CALML4: variants seen among roughly 807,000 people sequenced by gnomAD.
CALML4 encodes the protein calmodulin-like protein 4.
CALML4 carries 16 observed loss-of-function variants against 17.9 expected under a neutral mutation model. The ratio of observed to expected loss-of-function variants is 0.89; its 90% CI spans 0.61 to 1.36. CALML4 has a LOEUF of 1.36. Among genes scored for constraint, CALML4 ranks in the 40% most tolerant of loss-of-function variants. The pLI is 0.00. For synonymous variants in CALML4, 86 were observed against 71.5 expected (o/e 1.20, Z -1.02); for missense variants, 203 against 194.8 (o/e 1.04, Z -0.25).
In CALML4 at chr15:68,197,693, C is replaced by T; in HGVS notation, c.176-65G>A. The T allele has an allele frequency of 1.4e-6, 2 of 1,469,996 alleles. No homozygotes were observed. The highest frequency in any genetic ancestry group is 2.3e-5 in the East Asian group (1 of 43,920). 91.1% of individuals were successfully genotyped at this position (1,469,996 alleles called of 1,614,324 possible). On this transcript the variant is annotated intron_variant, in intron 3 of 4. Coordinates refer to ENST00000467889, the MANE Select transcript of CALML4 (RefSeq NM_033429.3). The surrounding 1 kb of genome is among the most constrained non-coding windows in gnomAD (Gnocchi z 4.1). ...AAAGACTCCTAGGAAGCCAGCTGGC[C>T]TCCTGCTGGACCTGCACAGCCGGTT...
rs201240229 is a variant in CALML4, at chr15:68,199,670, A to G, written c.46T>C (p.Cys16Arg). 8.3e-4 allele frequency: 1,341 copies of G among 1,613,040 alleles called. 1 individual carries two copies. The highest frequency in any genetic ancestry group is 1.0e-3 in the Admixed American group (60 of 59,950). Reference sequence around the variant, plus strand: ...TGCTGCTTGTCATACAGGGAGAAGCATTCCTTGTACTCTGCACACGGCCCA... The same window carrying G: ...TGCTGCTTGTCATACAGGGAGAAGCGTTCCTTGTACTCTGCACACGGCCCA... ...SQDQINEYKE[C>R]FSLYDKQQRG... The change falls in exon 3 of 5, where the codon TGC becomes CGC. Residue 16 changes from cysteine (C) to arginine (R), a missense_variant. By Grantham distance (180) the Cys-to-Arg change is radical. Coordinates refer to ENST00000467889, the MANE Select transcript of CALML4 (RefSeq NM_033429.3).
At position 68,204,629 on chromosome 15, in the gene CALML4, C is replaced by T. The variant is rs568381267; in HGVS notation, c.34+492G>A. 1.0e-3 allele frequency among the ~76,000 whole-genome samples: 152 copies of T among 152,326 alleles called. No homozygotes were observed. The highest frequency in any genetic ancestry group is 2.1e-3 in the African/African-American group (86 of 41,580). ...GGGGACCCAGGGAATAAAGTGCTCA[C>T]GCCCAAACCAGGCTTGATGCCAGGG... On this transcript the variant is annotated intron_variant, in intron 2 of 4. Coordinates refer to ENST00000467889, the MANE Select transcript of CALML4 (RefSeq NM_033429.3). This position sits in a 1 kb window ranked among gnomAD's most constrained non-coding sequence, Gnocchi z 6.0.
intron 4 of CALML4, among the ~76,000 whole-genome samples, chr15:68,196,438 C>T (rs938961471): frequency 1.3e-5 from 2 of 152,190 alleles, no homozygotes; most frequent in African/African-American, 2.4e-5. Flanking sequence ...AAGCTCTCCT[C>T]CAGTGGTTTA....
chr15:68,203,038 C>T (rs2093170521), intron 2 of CALML4, among the ~76,000 whole-genome samples: 1 of 152,168 alleles, frequency 6.6e-6, no homozygotes, highest in Non-Finnish European at 1.5e-5. Flanking sequence ...TGGTCTCAAA[C>T]TCCTGACCTC....
intron 2 of CALML4, among the ~76,000 whole-genome samples, chr15:68,202,900 C>T (rs952056581): frequency 4.0e-5 from 6 of 150,834 alleles, no homozygotes; most frequent in Admixed American, 1.3e-4. Context: ...CTGCAACCTC[C>T]GCCTCCTGGG....
At chr15:68,194,863 G>A (rs1479664703) in intron 4 of CALML4, among the ~76,000 whole-genome samples, 1 of 151,080 alleles carries the variant, frequency 6.6e-6, no homozygotes, top group Admixed American at 6.6e-5. Flanking sequence ...CTAAGCCGGT[G>A]CTCCTCACCA....
At chr15:68,203,075 A>T (rs1373002457) in intron 2 of CALML4, among the ~76,000 whole-genome samples, 2 of 147,902 alleles carry the variant, frequency 1.4e-5, no homozygotes, top group African/African-American at 5.1e-5. Flanking sequence ...TCGGTCTCTC[A>T]AAGTGCTGGG....
Position 68,191,489 on chromosome 15 carries a change from C to T in CALML4, c.*2526G>A, listed in dbSNP as rs1365701565. 1 of 152,636 alleles carries T rather than the reference C, an allele frequency of 6.6e-6. No homozygotes were observed. The highest frequency in any genetic ancestry group is 1.5e-5 in the Non-Finnish European group (1 of 68,048). The allele number at this position is 152,636 out of a possible 1,614,324, so 9.5% of individuals were successfully genotyped here. ...ATTTGTCTTCTGTAAAATAACACTG[C>T]TGGATGTTCAAGGGGACAATCCCTA... On this transcript the variant is annotated 3_prime_UTR_variant, in exon 5 of 5. Transcript: ENST00000467889.
chr15:68,196,375 A>C (rs1243210667), intron 4 of CALML4, among the ~76,000 whole-genome samples: 1 of 152,196 alleles, frequency 6.6e-6, no homozygotes, highest in Admixed American at 6.5e-5. Context: ...CCAGCAAGGA[A>C]AGCGAGGTGG....
rs200820572 is a variant in CALML4 at position 68,197,626 on chromosome 15, C to T, written c.178G>A (p.Gly60Arg). 9.4e-5 allele frequency: 151 copies of T among 1,613,404 alleles called. No individual in the cohort carries two copies. The highest frequency in any genetic ancestry group is 1.6e-4 in the Middle Eastern group (1 of 6,084). Residue 60 changes from glycine to arginine, a missense_variant and splice_region_variant, in exon 4 of 5, where the codon GGA (glycine) becomes AGA (arginine). By Grantham distance (125) the Gly-to-Arg change is moderately radical. Transcript: ENST00000467889. This position sits in a 1 kb window ranked among gnomAD's most constrained non-coding sequence, Gnocchi z 4.1. ...GTGGAGAAATCCAGCTCTCCATTTC[C>T]GTCTAGGAAACCCGCAAACACAGCA... ...QRHLQTHGID[G>R]NGELDFSTFL...
rs1421095700 is a variant in CALML4 at position 68,200,450 on chromosome 15, G to A, written c.35-769C>T. 1.3e-5 allele frequency among the ~76,000 whole-genome samples: 2 copies of A among 152,316 alleles called. No individual in the cohort carries two copies. Among genetic ancestry groups the A allele is most frequent in the Middle Eastern group, 3.4e-3 (1 of 294 alleles). ...ACTTGGTGGAGGTGGAAGGCAGCCG[G>A]AGCTAGCTCCCCTAAACCCACAGAC... On this transcript the variant is annotated intron_variant, in intron 2 of 4. Coordinates refer to ENST00000467889, the MANE Select transcript of CALML4 (RefSeq NM_033429.3). This position sits in a 1 kb window ranked among gnomAD's most constrained non-coding sequence, Gnocchi z 4.3.
intron 2 of CALML4, among the ~76,000 whole-genome samples, chr15:68,202,384 T>C (rs2093167986): frequency 6.6e-6 from 1 of 152,230 alleles, no homozygotes; most frequent in African/African-American, 2.4e-5. Context: ...GACAGGAGTA[T>C]CGCTTGGGCC....
Position 68,191,394 on chromosome 15 carries a change from T to G in CALML4, c.*2621A>C, listed in dbSNP as rs984889506. 3.3e-5 allele frequency: 5 copies of G among 152,658 alleles called. No homozygotes were observed. Among genetic ancestry groups the G allele is most frequent in the African/African-American group, 9.6e-5 (4 of 41,464 alleles). The allele number at this position is 152,658 out of a possible 1,614,324, so 9.5% of individuals were successfully genotyped here. Reference sequence around the variant, plus strand: ...TTTATTACATGCATTGGAAAAAAATTGTTTACCTATTGAATGTTACCTGTT... The same window carrying G: ...TTTATTACATGCATTGGAAAAAAATGGTTTACCTATTGAATGTTACCTGTT... On this transcript the variant is annotated 3_prime_UTR_variant, in exon 5 of 5. Coordinates refer to ENST00000467889, the MANE Select transcript of CALML4 (RefSeq NM_033429.3).
At chr15:68,195,400 T>A (rs929556738) in intron 4 of CALML4, among the ~76,000 whole-genome samples, 4 of 152,220 alleles carry the variant, frequency 2.6e-5, no homozygotes, top group African/African-American at 7.2e-5. Context: ...ATAATTCATC[T>A]CATTTTGTGG....
At chr15:68,194,204 T>C (rs1012683610) in intron 4 of CALML4, 92 bp from the exon 5 acceptor site, 8 of 900,186 alleles carry the variant, frequency 8.9e-6, no homozygotes, top group Admixed American at 2.0e-5. Context: ...CCCTAAGGTC[T>C]TCCCTGAGCG....
In CALML4 at chr15:68,197,871, C is replaced by T. The variant is rs2093151404; in HGVS notation, c.176-243G>A. On this transcript the variant is annotated intron_variant, in intron 3 of 4. Transcript: ENST00000467889. The surrounding 1 kb of genome is among the most constrained non-coding windows in gnomAD (Gnocchi z 4.1). ...TCAGTGACGATGCTTATCATCACCC[C>T]AAAGCTCAAGAAAGTGGGTTCCCAA... 1 of 486,098 alleles carries T rather than the reference C, an allele frequency of 2.1e-6. No homozygotes were observed. Among genetic ancestry groups the T allele is most frequent in the African/African-American group, 1.9e-5 (1 of 51,842 alleles). 30.1% of individuals were successfully genotyped at this position (486,098 alleles called of 1,614,324 possible).
intron 2 of CALML4, 167 bp from the exon 3 acceptor site, chr15:68,199,848 C>G: frequency 3.2e-6 from 2 of 629,588 alleles, no homozygotes; most frequent in Non-Finnish European, 5.0e-6. Flanking sequence ...AAATACAGGA[C>G]TGCCAAGTTA....
In CALML4 at chr15:68,200,421, C is replaced by T. The variant is rs564332579; in HGVS notation, c.35-740G>A. On this transcript the variant is annotated intron_variant, in intron 2 of 4. Transcript: ENST00000467889. The surrounding 1 kb of genome is among the most constrained non-coding windows in gnomAD (Gnocchi z 4.3). ...CCAGGGTCTGAAGCCCTTTCTCCTT[C>T]GGTACTTGGTGGAGGTGGAAGGCAG... is the stretch of plus-strand genomic sequence containing the variant. Among the ~76,000 whole-genome samples, 983 of 152,288 alleles carry T rather than the reference C, an allele frequency of 6.5e-3. 4 individuals are homozygous for T. Among genetic ancestry groups the T allele is most frequent in the Non-Finnish European group, 0.011 (775 of 68,018 alleles).
rs1595811727 is a variant in CALML4 at position 68,200,036 on chromosome 15, T to C, written c.35-355A>G. The stretch of plus-strand genomic sequence containing the variant: ...CCCTACTCCCTCCCTTCCTTCTCCC[T>C]CCCCCTCCCCGCCAACCCACAGGAC... On this transcript the variant is annotated intron_variant, in intron 2 of 4. Coordinates refer to ENST00000467889, the MANE Select transcript of CALML4 (RefSeq NM_033429.3). The surrounding 1 kb of genome is among the most constrained non-coding windows in gnomAD (Gnocchi z 4.3). 1 of 157,686 alleles carries C rather than the reference T, an allele frequency of 6.3e-6. No homozygotes were observed. The highest frequency in any genetic ancestry group is 2.4e-5 in the African/African-American group (1 of 40,872). The allele number at this position is 157,686 out of a possible 1,614,324, so 9.8% of individuals were successfully genotyped here.
Sources: gnomAD v4.1 joint callset for allele counts (sites outside exome capture counted in the v4.1 genomes callset) on GRCh38, gnomAD v4.1.1 for gene constraint, Gnocchi (gnomAD v3.1) non-coding constraint, MANE v1.5 for transcripts, NCBI Gene and HGNC (gene_info 2026-07-23, HGNC 2026-07-21) for gene names.